KCNIP1: variants seen among roughly 807,000 people sequenced by gnomAD.
KCNIP1 encodes A-type potassium channel modulatory protein KCNIP1.
A neutral mutation model predicts 33.0 loss-of-function variants in KCNIP1; 18 were observed. The ratio of observed to expected loss-of-function variants is 0.55; its 90% confidence interval spans 0.38 to 0.81. KCNIP1 has a LOEUF of 0.81. KCNIP1 is among the 30% of genes least tolerant of loss of function. KCNIP1 has a pLI of 0.00. For synonymous variants in KCNIP1, 93 were observed against 98.3 expected (o/e 0.95, Z 0.32); for missense variants, 238 against 271.6 (o/e 0.88, Z 0.87).
At chr5:170,525,709 G>A (rs187784805) in intron 1 of KCNIP1, among the ~76,000 whole-genome samples, 65 of 152,372 alleles carry the variant, frequency 4.3e-4, no homozygotes, top group Non-Finnish European at 7.9e-4. Context: ...GGACAGGCAG[G>A]AGTGTTCTGG....
chr5:170,383,304 A>T (rs1764326235), intron 1 of KCNIP1: 2 of 517,130 alleles, frequency 3.9e-6, no homozygotes, highest in South Asian at 5.2e-5. Context: ...TGAAAGTACT[A>T]ACACTAATCA....
At chr5:170,718,645 C>G in intron 1 of KCNIP1, 113 bp from the exon 2 acceptor site, 1 of 1,265,634 alleles carries the variant, frequency 7.9e-7, no homozygotes, top group Non-Finnish European at 1.1e-6. Context: ...GTGACCCCAG[C>G]CCACAGTCCT....
intron 1 of KCNIP1, among the ~76,000 whole-genome samples, chr5:170,681,967 C>G (rs1321539313): frequency 1.3e-5 from 2 of 152,196 alleles, no homozygotes. Flanking sequence ...AAAACAAGAT[C>G]AAACTCCAAT....
rs544811242 is a variant in KCNIP1, at chr5:170,666,330, G to A, written c.62-52428G>A. ...GGGTTTGGGTTTTGTGTGTGTTTGC[G>A]TGTGTGTGTGTTTGAGCACTTCTTT... is the stretch of plus-strand genomic sequence containing the variant. On this transcript the variant is annotated intron_variant, in intron 1 of 7. Transcript: ENST00000328939. 1.9e-3 allele frequency among the ~76,000 whole-genome samples: 284 copies of A among 152,016 alleles called. 1 individual carries two copies. Among genetic ancestry groups the A allele is most frequent in the Non-Finnish European group, 3.0e-3 (207 of 67,900 alleles).
At chr5:170,672,513 G>T (rs537794427) in intron 1 of KCNIP1, among the ~76,000 whole-genome samples, 1 of 152,222 alleles carries the variant, frequency 6.6e-6, no homozygotes, top group Non-Finnish European at 1.5e-5. Context: ...ATTGTGGGGA[G>T]AATTAATTTC....
intron 1 of KCNIP1, among the ~76,000 whole-genome samples, chr5:170,392,499 C>T (rs1329339059): frequency 6.6e-6 from 1 of 152,122 alleles, no homozygotes; most frequent in Non-Finnish European, 1.5e-5. Flanking sequence ...CCTGAGATTG[C>T]TATATGGAGT....
chr5:170,668,976 C>A (rs1419276768), intron 1 of KCNIP1, among the ~76,000 whole-genome samples: 1 of 152,116 alleles, frequency 6.6e-6, no homozygotes, highest in African/African-American at 2.4e-5. Context: ...CTTGGGGAAC[C>A]CTTCCTGGAT....
At chr5:170,612,031 C>T (rs1759178356) in intron 1 of KCNIP1, among the ~76,000 whole-genome samples, 1 of 152,238 alleles carries the variant, frequency 6.6e-6, no homozygotes. Context: ...AATGGCCCCA[C>T]ACCTCGATTA....
At chr5:170,382,694 T>C (rs185896540) in intron 1 of KCNIP1, 1 of 152,150 alleles carries the variant, frequency 6.6e-6, no homozygotes, top group East Asian at 1.9e-4. Flanking sequence ...GTTTCACTCT[T>C]GTTGCCAGGC....
At chr5:170,420,396 T>G (rs370376163) in intron 1 of KCNIP1, 2 of 152,286 alleles carry the variant, frequency 1.3e-5, no homozygotes, top group East Asian at 3.8e-4. Flanking sequence ...CCTCATTTAC[T>G]GTAAGAATAC....
At chr5:170,620,426 G>A (rs1356046847) in intron 1 of KCNIP1, among the ~76,000 whole-genome samples, 2 of 152,206 alleles carry the variant, frequency 1.3e-5, no homozygotes, top group African/African-American at 2.4e-5. Context: ...AGAAAGAGAT[G>A]CTTTCTTTCT....
rs531339808 is a variant in KCNIP1 at position 170,470,174 on chromosome 5, C to T, written c.88+116210C>T. 1.9e-3 allele frequency among the ~76,000 whole-genome samples: 291 copies of T among 152,298 alleles called. 1 individual carries two copies. Among genetic ancestry groups the T allele is most frequent in the Admixed American group, 3.6e-3 (55 of 15,294 alleles). ...TTCACTTGAGCACATCTGGCCCCCACTTTCTCCTTTCCTCCTCTCTTCTAC... is the reference window on the plus strand; with the variant it reads ...TTCACTTGAGCACATCTGGCCCCCATTTTCTCCTTTCCTCCTCTCTTCTAC... On this transcript the variant is annotated intron_variant, in intron 1 of 7. Coordinates refer to the KCNIP1 transcript ENST00000377360.
intron 4 of KCNIP1, 65 bp downstream of exon 4, chr5:170,721,968 C>T (rs906651110): frequency 5.1e-6 from 8 of 1,573,664 alleles, no homozygotes; most frequent in Non-Finnish European, 7.0e-6. Flanking sequence ...CTCTAAATCT[C>T]AAGGCATTGG....
intron 1 of KCNIP1, among the ~76,000 whole-genome samples, chr5:170,410,803 G>A (rs1755165877): frequency 6.6e-6 from 1 of 152,194 alleles, no homozygotes; most frequent in South Asian, 2.1e-4. Flanking sequence ...CAGTGAATCT[G>A]TCAGAAGAGT....
intron 1 of KCNIP1, among the ~76,000 whole-genome samples, chr5:170,461,736 C>T (rs971221238): frequency 1.7e-5 from 2 of 119,210 alleles, no homozygotes; most frequent in Non-Finnish European, 3.4e-5. Context: ...GGCGACAAAA[C>T]GAGACTCCAT....
At position 170,406,863 on chromosome 5, in the gene KCNIP1, T is replaced by C. The variant is rs76886007; in HGVS notation, c.88+52899T>C. Reference sequence around the variant, plus strand: ...GGAGGCAAGGCCATGGGCCCAAATCTGTGCCATGAGTGTCAACAGAAGATC... The same window carrying C: ...GGAGGCAAGGCCATGGGCCCAAATCCGTGCCATGAGTGTCAACAGAAGATC... On this transcript the variant is annotated intron_variant, in intron 1 of 7. Coordinates refer to the KCNIP1 transcript ENST00000377360. 3.7e-3 allele frequency among the ~76,000 whole-genome samples: 565 copies of C among 152,310 alleles called. 1 individual carries two copies. Among genetic ancestry groups the C allele is most frequent in the African/African-American group, 0.013 (530 of 41,570 alleles).
At chr5:170,474,322 G>A (rs1230617145) in intron 1 of KCNIP1, among the ~76,000 whole-genome samples, 1 of 151,930 alleles carries the variant, frequency 6.6e-6, no homozygotes, top group Non-Finnish European at 1.5e-5. Context: ...TGTAGCTCAG[G>A]ATGCTACATT....
intron 1 of KCNIP1, among the ~76,000 whole-genome samples, chr5:170,480,508 G>A (rs1460153163): frequency 2.1e-5 from 3 of 143,258 alleles, no homozygotes; most frequent in East Asian, 4.0e-4. Flanking sequence ...ACAAAGTCTC[G>A]CTCTATCACC....
chr5:170,732,350 G>A (rs1764236251), intron 5 of KCNIP1, among the ~76,000 whole-genome samples: 1 of 152,218 alleles, frequency 6.6e-6, no homozygotes. Flanking sequence ...GCCTCAGTCT[G>A]TGGAACTATT....
Sources: allele counts gnomAD v4.1 joint callset (sites outside exome capture counted in the v4.1 genomes callset), GRCh38; gene constraint gnomAD v4.1.1; transcripts MANE v1.5; gene names NCBI Gene and HGNC (gene_info 2026-07-23, HGNC 2026-07-21).